The following SOX6 variants were observed in gnomAD, a reference collection of about 807,000 sequenced individuals.
The protein encoded by SOX6 is transcription factor SOX-6.
In SOX6, 11 loss-of-function variants were observed where a neutral mutation model predicts 97.8. The observed-to-expected ratio is 0.11, with a 90% CI of 0.07 to 0.19. The LOEUF (loss-of-function observed/expected upper bound fraction) is 0.19, where lower values mean the gene tolerates loss of function less well. Ranked by LOEUF, SOX6 falls within the 10% of genes least tolerant of loss-of-function variation. The probability of loss-of-function intolerance (pLI) is 1.00; values close to 1 mark genes in which losing one functional copy is unlikely to be tolerated. For missense variants in SOX6, 810 were observed against 1,039.5 expected, an observed-to-expected ratio of 0.78 and a Z score of 3.04; for synonymous variants, 360 against 371.4, an observed-to-expected ratio of 0.97 and a Z score of 0.35.
At position 15,972,718 on chromosome 11, in the gene SOX6, G is replaced by A; in HGVS notation, c.*91C>T. The A allele has an allele frequency of 7.4e-7, 1 of 1,347,958 alleles. No individual in the cohort carries two copies. The highest frequency in any genetic ancestry group is 1.2e-5 in the South Asian group (1 of 85,188). The allele number at this position is 1,347,958 out of a possible 1,614,324, so 83.5% of individuals were successfully genotyped here. ...AGACCATTCTGCTGATGTAATTGTG[G>A]AGCCACAAATGCATGCGGGCTCTTT... On this transcript the variant is annotated 3_prime_UTR_variant, in exon 16 of 16. Coordinates refer to ENST00000683767, the MANE Select transcript of SOX6 (RefSeq NM_001367873.1).
intron 3 of SOX6, among the ~76,000 whole-genome samples, chr11:16,249,489 G>C (rs2134196915): frequency 6.6e-6 from 1 of 152,262 alleles, no homozygotes; most frequent in East Asian, 1.9e-4. Context: ...CATTCAACAA[G>C]TCTCTAGGAA....
In SOX6 at chr11:16,575,941, T is replaced by A. The variant is rs565658803; in HGVS notation, n.609+36140A>T. Among the ~76,000 whole-genome samples, 3 of 152,298 alleles carry A rather than the reference T, an allele frequency of 2.0e-5. No homozygotes were observed. In the East Asian group the frequency reaches 5.8e-4, roughly 29 times the overall value. On this transcript the variant is annotated intron_variant and non_coding_transcript_variant, in intron 4 of 5. Coordinates refer to the SOX6 transcript ENST00000524520. ...AATACCTTATATGTTTACATTTCAATTTCAAAAAATAAAACACAAATCTAC... is the reference window on the plus strand; with the variant it reads ...AATACCTTATATGTTTACATTTCAAATTCAAAAAATAAAACACAAATCTAC...
At chr11:16,040,995 T>A (rs1855647113) in intron 12 of SOX6, among the ~76,000 whole-genome samples, 1 of 152,092 alleles carries the variant, frequency 6.6e-6, no homozygotes, top group Non-Finnish European at 1.5e-5. Context: ...CAATTAGAAT[T>A]TCTTCCCTTA....
intron 4 of SOX6, among the ~76,000 whole-genome samples, chr11:16,197,244 C>T (rs190527015): frequency 5.6e-4 from 86 of 152,244 alleles, no homozygotes; most frequent in Non-Finnish European, 9.3e-4. Context: ...ACTAGAGAGT[C>T]CAGTTCAGTC....
chr11:16,166,857 G>A (rs553079350), intron 6 of SOX6, among the ~76,000 whole-genome samples: 40 of 152,184 alleles, frequency 2.6e-4, no homozygotes, highest in African/African-American at 7.0e-4. Context: ...AGTATGAGTC[G>A]TGTTCTGAAA....
intron 1 of SOX6, among the ~76,000 whole-genome samples, chr11:16,468,553 T>G (rs72873319): frequency 0.097 from 14,774 of 152,182 alleles, 834 homozygotes; most frequent in Non-Finnish European, 0.13. Flanking sequence ...CCTTATGAGT[T>G]CTGCTTCTTT....
intron 3 of SOX6, among the ~76,000 whole-genome samples, chr11:16,278,833 G>A (rs1165491944): frequency 3.3e-5 from 5 of 151,966 alleles, no homozygotes; most frequent in African/African-American, 9.7e-5. Flanking sequence ...ATGGGGTAAA[G>A]AAAATTCAGA....
At chr11:16,155,617 A>G (rs1353563206) in intron 6 of SOX6, among the ~76,000 whole-genome samples, 1 of 152,156 alleles carries the variant, frequency 6.6e-6, no homozygotes, top group Admixed American at 6.6e-5. Flanking sequence ...GGCATGTATT[A>G]CAGTATCTAG....
chr11:16,275,093 C>T (rs1400118120), intron 3 of SOX6, among the ~76,000 whole-genome samples: 1 of 152,032 alleles, frequency 6.6e-6, no homozygotes, highest in African/African-American at 2.4e-5. Context: ...GCTTTTTGTA[C>T]ACTTGAGTTT....
In SOX6 at chr11:16,326,153, A is replaced by G. The variant is rs530497178; in HGVS notation, c.238-7500T>C. The stretch of plus-strand genomic sequence containing the variant: ...TACTGTTTGCTCTCAAAAGATGCAT[A>G]ATATCAATCTATTTCCTCTTCCATG... On this transcript the variant is annotated intron_variant, in intron 2 of 15. Coordinates refer to ENST00000683767, the MANE Select transcript of SOX6 (RefSeq NM_001367873.1). Among the ~76,000 whole-genome samples the G allele has an allele frequency of 3.5e-4, 54 of 152,312 alleles. 1 individual carries two copies. The South Asian group carries it at 9.5e-3, about 27-fold the overall frequency.
intron 1 of SOX6, among the ~76,000 whole-genome samples, chr11:16,442,726 T>C (rs1283342134): frequency 2.6e-5 from 4 of 152,100 alleles, no homozygotes; most frequent in Non-Finnish European, 4.4e-5. Flanking sequence ...ATTTTTGCAA[T>C]ACATCATTCC....
At chr11:16,402,687 C>T in intron 1 of SOX6, 1 of 1,611,134 alleles carries the variant, frequency 6.2e-7, no homozygotes, top group Non-Finnish European at 8.5e-7. Flanking sequence ...TTCCTCCACC[C>T]ACTCCTGTTT....
intron 9 of SOX6, among the ~76,000 whole-genome samples, chr11:16,088,203 C>T (rs766550387): frequency 1.3e-5 from 2 of 152,122 alleles, no homozygotes; most frequent in Non-Finnish European, 2.9e-5. Context: ...CATATACTCC[C>T]TGTTCCCATA....
intron 3 of SOX6, among the ~76,000 whole-genome samples, chr11:16,247,599 G>A (rs1022801644): frequency 6.6e-6 from 1 of 152,124 alleles, no homozygotes; most frequent in African/African-American, 2.4e-5. Flanking sequence ...TGAGAACTGA[G>A]TAAAGTGGGA....
At chr11:16,226,513 C>A (rs886449016) in intron 4 of SOX6, among the ~76,000 whole-genome samples, 1 of 152,066 alleles carries the variant, frequency 6.6e-6, no homozygotes, top group Non-Finnish European at 1.5e-5. Flanking sequence ...AACAGGCAGG[C>A]TGACTAAGAT....
At chr11:16,327,788 T>A (rs1856147700) in intron 2 of SOX6, among the ~76,000 whole-genome samples, 1 of 152,100 alleles carries the variant, frequency 6.6e-6, no homozygotes, top group African/African-American at 2.4e-5. Context: ...AGGAGTTGAA[T>A]CTTGCCTATA....
At chr11:16,492,125 A>G (rs1860517780) in intron 4 of SOX6, among the ~76,000 whole-genome samples, 1 of 152,222 alleles carries the variant, frequency 6.6e-6, no homozygotes, top group Non-Finnish European at 1.5e-5. Flanking sequence ...CCAAAACGGG[A>G]AAAGTAGATA....
At chr11:16,320,229 C>T (rs190523980) in intron 2 of SOX6, among the ~76,000 whole-genome samples, 2 of 152,130 alleles carry the variant, frequency 1.3e-5, no homozygotes, top group East Asian at 3.9e-4. Flanking sequence ...CTTTTAATCA[C>T]CATCAGACTC....
chr11:16,115,667 T>A (rs147683279), intron 6 of SOX6, among the ~76,000 whole-genome samples: 1 of 152,294 alleles, frequency 6.6e-6, no homozygotes, highest in African/African-American at 2.4e-5. Flanking sequence ...TACAGTGTCA[T>A]GACAGTGCTG....
Sources: allele counts gnomAD v4.1 joint callset (sites outside exome capture counted in the v4.1 genomes callset), GRCh38; gene constraint gnomAD v4.1.1; transcripts MANE v1.5; gene names NCBI Gene and HGNC (gene_info 2026-07-23, HGNC 2026-07-21).